Variants in RNF6 observed in about 807,000 individuals in gnomAD.
The protein encoded by RNF6 is ring finger protein 6.
In RNF6, 21 loss-of-function variants were observed where a neutral mutation model predicts 50.1. The ratio of observed to expected loss-of-function variants is 0.42; its 90% CI spans 0.30 to 0.60. The LOEUF (loss-of-function observed/expected upper bound fraction) is 0.60. RNF6 is among the 20% of genes least tolerant of loss of function. The pLI is 0.20. For synonymous variants in RNF6, 255 were observed against 291.8 expected (o/e 0.87, Z 1.29); for missense variants, 698 against 838.2 (o/e 0.83, Z 2.07).
At chr13:26,187,892 A>G (rs1297941321) in intron 5 of RNF6, among the ~76,000 whole-genome samples, 1 of 152,144 alleles carries the variant, frequency 6.6e-6, no homozygotes, top group Non-Finnish European at 1.5e-5. Flanking sequence ...CCTGGTTCCT[A>G]GCTCTATTTG....
At chr13:26,137,542 T>C (rs114423490) in intron 5 of RNF6, among the ~76,000 whole-genome samples, 85 of 152,072 alleles carry the variant, frequency 5.6e-4, no homozygotes, top group African/African-American at 1.7e-3. Context: ...CAGAACTTTT[T>C]ATCAGTTATG....
At chr13:26,151,797 AAG>A (rs754734688) in intron 5 of RNF6, among the ~76,000 whole-genome samples, 67 of 152,164 alleles carry the variant, frequency 4.4e-4, no homozygotes, top group Admixed American at 1.0e-3. Context: ...TAGAAGAAAA[AAG>A]GGGGGAAATT....
chr13:26,220,735 G>A (rs957383777), intron 2 of RNF6, among the ~76,000 whole-genome samples: 2 of 152,182 alleles, frequency 1.3e-5, no homozygotes, highest in Non-Finnish European at 1.5e-5. Context: ...TCACTAAAGG[G>A]TATGAGTAAT....
intron 5 of RNF6, among the ~76,000 whole-genome samples, chr13:26,190,364 T>A (rs1339863198): frequency 6.6e-6 from 1 of 152,250 alleles, no homozygotes; most frequent in African/African-American, 2.4e-5. Context: ...GATATTAGGA[T>A]GTAAACATCT....
intron 5 of RNF6, among the ~76,000 whole-genome samples, chr13:26,162,293 C>T (rs1305347967): frequency 1.3e-5 from 2 of 152,204 alleles, no homozygotes; most frequent in African/African-American, 4.8e-5. Flanking sequence ...TTCAAACTAG[C>T]CAGTCCTAAA....
At position 26,174,865 on chromosome 13, in the gene RNF6, G is replaced by A. The variant is rs553729374; in HGVS notation, n.768+40609C>T. Among the ~76,000 whole-genome samples the A allele has an allele frequency of 3.9e-4, 59 of 151,852 alleles. No homozygotes were observed. In the South Asian group the frequency reaches 0.01, roughly 27 times the overall value. Reference sequence around the variant, plus strand: ...TCTGGGACAGGCTGCCAGGCTTGCCGTCCCTACACTCACTCACTCACCAGT... The same window carrying A: ...TCTGGGACAGGCTGCCAGGCTTGCCATCCCTACACTCACTCACTCACCAGT... On this transcript the variant is annotated intron_variant and non_coding_transcript_variant, in intron 5 of 5. Coordinates refer to the RNF6 transcript ENST00000468480.
chr13:26,137,140 A>C lies in RNF6; in HGVS notation n.769-4689T>G, dbSNP rs2137545842. Among the ~76,000 whole-genome samples, 2 of 152,244 alleles carry C rather than the reference A, an allele frequency of 1.3e-5. 1 individual carries two copies. ...GTTCTCTAGAAGACTTCCCCCTGAAAGCTTGTTTTTATTTAACCTCACTAA... is the reference window on the plus strand; with the variant it reads ...GTTCTCTAGAAGACTTCCCCCTGAACGCTTGTTTTTATTTAACCTCACTAA... On this transcript the variant is annotated intron_variant and non_coding_transcript_variant, in intron 5 of 5. Transcript: ENST00000468480.
chr13:26,181,832 T>C (rs929464229), intron 5 of RNF6, among the ~76,000 whole-genome samples: 1 of 152,224 alleles, frequency 6.6e-6, no homozygotes, highest in African/African-American at 2.4e-5. Context: ...ACTATTTTCC[T>C]TGGTAGATAA....
intron 5 of RNF6, among the ~76,000 whole-genome samples, chr13:26,161,005 G>A (rs1284813914): frequency 6.6e-6 from 1 of 152,136 alleles, no homozygotes; most frequent in Non-Finnish European, 1.5e-5. Context: ...CAGCCACATT[G>A]TGAGGTACTG....
chr13:26,150,821 A>G (rs1871551853), intron 5 of RNF6: 1 of 152,174 alleles, frequency 6.6e-6, no homozygotes, highest in African/African-American at 2.4e-5. Context: ...ATCTTCTATA[A>G]CCTCTTCAAT....
intron 5 of RNF6, among the ~76,000 whole-genome samples, chr13:26,197,675 A>G (rs1197598053): frequency 6.6e-6 from 1 of 151,956 alleles, no homozygotes; most frequent in Non-Finnish European, 1.5e-5. Flanking sequence ...CTCTACTGCA[A>G]TAGTTACTGA....
intron 5 of RNF6, among the ~76,000 whole-genome samples, chr13:26,193,711 G>A (rs113357626): frequency 2.6e-5 from 4 of 152,344 alleles, no homozygotes; most frequent in African/African-American, 7.2e-5. Flanking sequence ...CTGAAGGAAT[G>A]ATCCAGTACA....
chr13:26,194,117 A>AT (rs1868566418), intron 5 of RNF6, among the ~76,000 whole-genome samples: 1 of 152,236 alleles, frequency 6.6e-6, no homozygotes, highest in African/African-American at 2.4e-5. Context: ...ATGAATTTAA[A>AT]TGAGACTAGT....
downstream of RNF6, among the ~76,000 whole-genome samples, chr13:26,211,576 G>A (rs988053033): frequency 6.6e-6 from 1 of 152,088 alleles, no homozygotes; most frequent in Non-Finnish European, 1.5e-5. Context: ...GGCCAACATG[G>A]TGAAACCCTG....
chr13:26,149,459 C>T (rs780889346), intron 5 of RNF6, among the ~76,000 whole-genome samples: 3 of 151,888 alleles, frequency 2.0e-5, no homozygotes, highest in South Asian at 2.1e-4. Flanking sequence ...TGGTGGCAGG[C>T]GCCTGTAGTC....
chr13:26,214,521 C>T lies in RNF6; in HGVS notation c.1361G>A (p.Arg454Gln). The T allele has an allele frequency of 3.1e-6, 5 of 1,614,084 alleles. No homozygotes were observed. Among genetic ancestry groups the T allele is most frequent in the South Asian group, 2.2e-5 (2 of 91,080 alleles). The change falls in exon 5 of 5, where the codon CGA (arginine) becomes CAA (glutamine). Residue 454 changes from arginine to glutamine, a missense_variant. Transcript: ENST00000381588. ...AACTGTTATGGTACTAACATAGGTT[C>T]GAATACCTGACCGCTCTAAACGAGA... ...TISRLERSGIRTYVSTITVPL... is the reference protein window; with the variant it reads ...TISRLERSGIQTYVSTITVPL...
chr13:26,200,981 A>T (rs534584945), intron 5 of RNF6, among the ~76,000 whole-genome samples: 36 of 152,240 alleles, frequency 2.4e-4, no homozygotes, highest in Non-Finnish European at 4.7e-4. Flanking sequence ...TCTGTTTCTG[A>T]GTATATGCCC....
At chr13:26,186,705 C>G (rs1381764193) in intron 5 of RNF6, among the ~76,000 whole-genome samples, 1 of 152,178 alleles carries the variant, frequency 6.6e-6, no homozygotes, top group African/African-American at 2.4e-5. Context: ...CTGTGCTGAC[C>G]GTCGATCCCG....
At position 26,214,285 on chromosome 13, in the gene RNF6, T is replaced by A; in HGVS notation, c.1597A>T (p.Arg533Trp). The A allele has an allele frequency of 6.2e-7, 1 of 1,614,200 alleles. No individual in the cohort carries two copies. The highest frequency in any genetic ancestry group is 8.5e-7 in the Non-Finnish European group (1 of 1,180,040). ...TGCCTGTCTTGAGAGGAACCTTCCC[T>A]GTGCTGGCTCCTGTTGTTATCTGTA... ...LGTDNNRSQH[R>W]EGSSQDRQAQ... The change falls in exon 5 of 5, where the codon AGG becomes TGG. Residue 533 changes from arginine to tryptophan, a missense_variant. Physicochemically the swap from Arg to Trp is moderately radical, Grantham distance 101 (BLOSUM62 -3). Coordinates refer to ENST00000381588, the MANE Select transcript of RNF6 (RefSeq NM_005977.4).
Sources: allele counts gnomAD v4.1 joint callset (sites outside exome capture counted in the v4.1 genomes callset), GRCh38; gene constraint gnomAD v4.1.1; transcripts MANE v1.5; gene names NCBI Gene and HGNC (gene_info 2026-07-23, HGNC 2026-07-21).